The following LOC128092252 variants were observed in gnomAD, a reference collection of about 807,000 sequenced individuals.
the LOC128092252 span, among the ~76,000 whole-genome samples, chr15:50,659,720 T>G: frequency 6.6e-6 from 1 of 151,974 alleles, no homozygotes; most frequent in Non-Finnish European, 1.5e-5. Flanking sequence ...GAGGCTGGAG[T>G]GCAGTGGCAC....
At chr15:50,672,147 G>C in the LOC128092252 span, among the ~76,000 whole-genome samples, 3,312 of 151,972 alleles carry the variant, frequency 0.022, 120 homozygotes, top group African/African-American at 0.077. Flanking sequence ...CTCATCTCCC[G>C]GGTTCACGCC....
chr15:50,678,051 G>A, the LOC128092252 span, among the ~76,000 whole-genome samples: 140 of 151,322 alleles, frequency 9.3e-4, no homozygotes, highest in Non-Finnish European at 1.7e-3. Flanking sequence ...CAGTCTGACC[G>A]ATATGGTGAA....
At chr15:50,679,309 T>A in the LOC128092252 span, among the ~76,000 whole-genome samples, 29 of 147,236 alleles carry the variant, frequency 2.0e-4, no homozygotes, top group African/African-American at 7.2e-4. Context: ...CACTCTGACA[T>A]GGGCAACAGA....
chr15:50,681,002 C>T, the LOC128092252 span, among the ~76,000 whole-genome samples: 3 of 151,996 alleles, frequency 2.0e-5, no homozygotes, highest in South Asian at 4.2e-4. Flanking sequence ...CCTGTAATCC[C>T]AGCACTTTGG....
At chr15:50,653,254 T>A in the LOC128092252 span, among the ~76,000 whole-genome samples, 1 of 152,118 alleles carries the variant, frequency 6.6e-6, no homozygotes. Flanking sequence ...ACTTCAAAAC[T>A]TGCCTTGGCA....
chr15:50,648,856 T>G, the LOC128092252 span: 1 of 1,611,904 alleles, frequency 6.2e-7, no homozygotes, highest in East Asian at 2.2e-5. Flanking sequence ...AAAACAAGCA[T>G]GTTGCTTGAC....
the LOC128092252 span, chr15:50,657,948 A>T: frequency 1.6e-6 from 1 of 608,614 alleles, no homozygotes; most frequent in Non-Finnish European, 2.9e-6. Context: ...TAGATATTAT[A>T]GTTCACGTAT....
the LOC128092252 span, among the ~76,000 whole-genome samples, chr15:50,681,834 G>C: frequency 6.6e-6 from 1 of 152,112 alleles, no homozygotes; most frequent in Non-Finnish European, 1.5e-5. Flanking sequence ...TTGCTCCTTA[G>C]GTCAAGTAGG....
At chr15:50,680,241 A>G in the LOC128092252 span, among the ~76,000 whole-genome samples, 1 of 151,868 alleles carries the variant, frequency 6.6e-6, no homozygotes, top group East Asian at 1.9e-4. Context: ...CTCAAAAAAT[A>G]TAAAAATAAA....
chr15:50,678,618 CAACT>C, the LOC128092252 span, among the ~76,000 whole-genome samples: 1 of 151,030 alleles, frequency 6.6e-6, no homozygotes, highest in Non-Finnish European at 1.5e-5. Context: ...GCCAACTACT[CAACT>C]AATTAATAAT....
At chr15:50,671,971 T>C in the LOC128092252 span, among the ~76,000 whole-genome samples, 22,197 of 148,476 alleles carry the variant, frequency 0.15, 2,187 homozygotes, top group Admixed American at 0.29. Context: ...TTTGTAATAA[T>C]AAATGACTAT....
chr15:50,663,734 G>A, the LOC128092252 span, among the ~76,000 whole-genome samples: 1 of 152,154 alleles, frequency 6.6e-6, no homozygotes, highest in Non-Finnish European at 1.5e-5. Flanking sequence ...GGGAGCCAAG[G>A]TGAGAGGATC....
chr15:50,651,782 C>CGG, the LOC128092252 span, among the ~76,000 whole-genome samples: 2 of 151,820 alleles, frequency 1.3e-5, no homozygotes, highest in Non-Finnish European at 2.9e-5. Flanking sequence ...CCCAGCTACT[C>CGG]GGGAGGCTGA....
the LOC128092252 span, among the ~76,000 whole-genome samples, chr15:50,685,344 C>G: frequency 6.6e-6 from 1 of 152,306 alleles, no homozygotes; most frequent in East Asian, 1.9e-4. Flanking sequence ...ACAGTCCCAG[C>G]TACTCGGGAG....
chr15:50,665,197 G>A, the LOC128092252 span, among the ~76,000 whole-genome samples: 2 of 151,866 alleles, frequency 1.3e-5, no homozygotes, highest in African/African-American at 2.4e-5. Flanking sequence ...CCAGGAGTTC[G>A]AGACCAGCCT....
At chr15:50,672,155 G>C in the LOC128092252 span, among the ~76,000 whole-genome samples, 1 of 151,978 alleles carries the variant, frequency 6.6e-6, no homozygotes, top group East Asian at 1.9e-4. Context: ...CCGGGTTCAC[G>C]CCATTCTCCT....
the LOC128092252 span, among the ~76,000 whole-genome samples, chr15:50,655,470 A>C: frequency 6.6e-6 from 1 of 151,646 alleles, no homozygotes; most frequent in Admixed American, 6.6e-5. Flanking sequence ...AAACCTTCTC[A>C]ATCAGGTAAA....
chr15:50,656,520 GAC>G, the LOC128092252 span, among the ~76,000 whole-genome samples: 8 of 142,520 alleles, frequency 5.6e-5, no homozygotes, highest in African/African-American at 2.1e-4. Flanking sequence ...TTTTTTGGTA[GAC>G]ACAGGGTCTC....
chr15:50,650,192 CAAAAAAAAA>C, the LOC128092252 span, among the ~76,000 whole-genome samples: 1,065 of 62,302 alleles, frequency 0.017, 14 homozygotes, highest in African/African-American at 0.073. Flanking sequence ...GACTTTGTCT[CAAAAAAAAA>C]AAAAAAAAAA....
Sources: gnomAD v4.1 joint callset for allele counts (sites outside exome capture counted in the v4.1 genomes callset) on GRCh38, gnomAD v4.1.1 for gene constraint, MANE v1.5 for transcripts.